Variants in PKP4 observed in about 807,000 individuals in gnomAD.
The protein encoded by PKP4 is plakophilin 4, also known as plakophilin-4.
In PKP4, 90 loss-of-function variants were observed where a neutral mutation model predicts 145.1. The observed-to-expected ratio is 0.62, with a 90% CI of 0.52 to 0.74. The LOEUF is 0.74. Among genes scored for constraint, PKP4 ranks in the 30% least tolerant of loss-of-function variants. The pLI, the probability that PKP4 is intolerant of heterozygous loss-of-function variation, is 0.00. For synonymous variants in PKP4, 563 were observed against 577.2 expected (o/e 0.98, Z 0.35); for missense variants, 1,340 against 1,482.7 (o/e 0.90, Z 1.58).
chr2:158,545,233 C>G (rs2044896776), intron 2 of PKP4, among the ~76,000 whole-genome samples: 1 of 152,092 alleles, frequency 6.6e-6, no homozygotes, highest in African/African-American at 2.4e-5. Context: ...CTCTCTCCCT[C>G]TGTACTCCCT....
At chr2:158,603,632 C>T (rs2050409689) in intron 4 of PKP4, among the ~76,000 whole-genome samples, 1 of 152,036 alleles carries the variant, frequency 6.6e-6, no homozygotes, top group Non-Finnish European at 1.5e-5. Flanking sequence ...CTGTCTGTCA[C>T]TTACATAAAT....
At chr2:158,489,143 ATACAG>A (rs1323150784) in intron 1 of PKP4, among the ~76,000 whole-genome samples, 2 of 152,150 alleles carry the variant, frequency 1.3e-5, no homozygotes, top group Non-Finnish European at 2.9e-5. Context: ...GTTCATCCAC[ATACAG>A]TAGAGTCATT....
intron 2 of PKP4, among the ~76,000 whole-genome samples, chr2:158,565,169 A>G (rs1026692583): frequency 6.6e-6 from 1 of 152,206 alleles, no homozygotes; most frequent in African/African-American, 2.4e-5. Flanking sequence ...AAATATAAAT[A>G]GAGTGCCCAA....
chr2:158,591,114 G>A (rs900458353), intron 3 of PKP4, among the ~76,000 whole-genome samples: 1 of 152,026 alleles, frequency 6.6e-6, no homozygotes, highest in Non-Finnish European at 1.5e-5. Context: ...CAGAGCAAAT[G>A]AAATTATTTC....
At chr2:158,657,058 G>A (rs2056036510) in intron 11 of PKP4, among the ~76,000 whole-genome samples, 1 of 152,202 alleles carries the variant, frequency 6.6e-6, no homozygotes, top group Non-Finnish European at 1.5e-5. Context: ...AAACGTTTTT[G>A]TGTGTTGGTA....
At chr2:158,518,485 T>A (rs1157021287) in intron 1 of PKP4, among the ~76,000 whole-genome samples, 2 of 152,210 alleles carry the variant, frequency 1.3e-5, no homozygotes, top group South Asian at 2.1e-4. Flanking sequence ...ACTGTCTACA[T>A]ATTTCTTCCC....
intron 16 of PKP4, among the ~76,000 whole-genome samples, chr2:158,668,885 A>C (rs148201175): frequency 4.6e-4 from 70 of 152,370 alleles, no homozygotes; most frequent in Non-Finnish European, 2.2e-4. Context: ...AGAACTAAGA[A>C]GATGTTTACT....
Position 158,528,636 on chromosome 2 carries a change from T to TAA in PKP4, c.-5-4532_-5-4531dup, listed in dbSNP as rs70994211. Among the ~76,000 whole-genome samples the TAA allele has an allele frequency of 3.4e-3, 281 of 81,540 alleles. 4 individuals carry two copies. Among genetic ancestry groups the TAA allele is most frequent in the South Asian group, 8.7e-3 (16 of 1,846 alleles). The allele number at this position is 81,540 out of a possible 152,430, so 53.5% of individuals were successfully genotyped here. The stretch of plus-strand genomic sequence containing the variant: ...ATGTACCCTAGAACTTAAAGTATAA[T>TAA]AAAAAAAAAAAAAGAAAAGAAACTT... On this transcript the variant is annotated intron_variant, in intron 1 of 21. Coordinates refer to ENST00000389759, the MANE Select transcript of PKP4 (RefSeq NM_003628.6).
chr2:158,626,436 G>A (rs1392403851), intron 7 of PKP4, among the ~76,000 whole-genome samples: 1 of 152,142 alleles, frequency 6.6e-6, no homozygotes, highest in South Asian at 2.1e-4. Context: ...CAGTTAGGTT[G>A]TTTGTTATGT....
At chr2:158,660,702 A>G (rs2056485138) in intron 12 of PKP4, 3 of 152,326 alleles carry the variant, frequency 2.0e-5, no homozygotes, top group Admixed American at 1.3e-4. Context: ...GGTGTTTTAT[A>G]ATTGAAAAGA....
intron 9 of PKP4, among the ~76,000 whole-genome samples, chr2:158,635,672 G>A (rs1338043059): frequency 6.6e-6 from 1 of 152,120 alleles, no homozygotes; most frequent in Middle Eastern, 3.2e-3. Context: ...AGGACTTCAT[G>A]TATGATAATA....
intron 8 of PKP4, among the ~76,000 whole-genome samples, chr2:158,633,064 A>G (rs527604819): frequency 9.8e-5 from 15 of 152,338 alleles, no homozygotes; most frequent in South Asian, 6.2e-4. Context: ...CATTTGATAT[A>G]TCAGTCTTCT....
intron 3 of PKP4, among the ~76,000 whole-genome samples, chr2:158,592,448 ACAGCTATT>A (rs903642772): frequency 6.6e-5 from 10 of 152,074 alleles, no homozygotes; most frequent in African/African-American, 2.4e-4. Context: ...CTGCACTAAA[ACAGCTATT>A]CATGTTTCTT....
At chr2:158,558,983 G>C (rs1056850758) in intron 2 of PKP4, among the ~76,000 whole-genome samples, 3 of 152,148 alleles carry the variant, frequency 2.0e-5, no homozygotes, top group Non-Finnish European at 4.4e-5. Flanking sequence ...TACATTGGTG[G>C]TACTTCAGAG....
chr2:158,632,326 C>A, intron 8 of PKP4: 1 of 192,876 alleles, frequency 5.2e-6, no homozygotes, highest in Non-Finnish European at 1.1e-5. Flanking sequence ...AGTTACTTGG[C>A]CATCTTTGAT....
intron 9 of PKP4, among the ~76,000 whole-genome samples, chr2:158,636,293 T>C (rs1023605654): frequency 2.0e-5 from 3 of 152,092 alleles, no homozygotes; most frequent in Non-Finnish European, 4.4e-5. Context: ...TTGCTAGATA[T>C]ATAATTCAGG....
chr2:158,625,310 G>C lies in PKP4; in HGVS notation c.1036G>C (p.Val346Leu), dbSNP rs200978598. The change falls in exon 7 of 22, where the codon GTA becomes CTA. Residue 346 changes from valine (V) to leucine (L), a missense_variant. Coordinates refer to ENST00000389759, the MANE Select transcript of PKP4 (RefSeq NM_003628.6). ...SSPKRSGMTAVPQHLGPSLQR... is the reference protein window; with the variant it reads ...SSPKRSGMTALPQHLGPSLQR... ...CCCCAAACGCTCAGGGATGACCGCC[G>C]TACCACAGCATCTGGGACCTTCACT... 4 of 1,614,168 alleles carry C rather than the reference G, an allele frequency of 2.5e-6. No individual in the cohort carries two copies. Among genetic ancestry groups the C allele is most frequent in the Non-Finnish European group, 3.4e-6 (4 of 1,180,028 alleles).
intron 1 of PKP4, among the ~76,000 whole-genome samples, chr2:158,501,833 G>T (rs1009433893): frequency 1.6e-4 from 22 of 137,736 alleles, no homozygotes; most frequent in African/African-American, 5.5e-4. Flanking sequence ...TGTTTGGCTA[G>T]GTAAGGTTTT....
rs1391079528 is a variant in PKP4 at position 158,523,386 on chromosome 2, C to A, written c.-5-9794C>A. 8.2e-5 allele frequency among the ~76,000 whole-genome samples: 9 copies of A among 110,028 alleles called. No homozygotes were observed. In the East Asian group the frequency reaches 2.2e-3, roughly 27 times the overall value. 72.2% of individuals were successfully genotyped at this position (110,028 alleles called of 152,430 possible). A position where few individuals can be genotyped will look rare whatever the true frequency, so the allele number is the denominator to read the frequency against. On this transcript the variant is annotated intron_variant, in intron 1 of 21. Coordinates refer to ENST00000389759, the MANE Select transcript of PKP4 (RefSeq NM_003628.6). Reference sequence around the variant, plus strand: ...AGCAGGGGCACACTGACACCTCACACGGCAGGGTATTCCAACAGACCTGCA... The same window carrying A: ...AGCAGGGGCACACTGACACCTCACAAGGCAGGGTATTCCAACAGACCTGCA...
Sources: allele counts gnomAD v4.1 joint callset (sites outside exome capture counted in the v4.1 genomes callset), GRCh38; gene constraint gnomAD v4.1.1; transcripts MANE v1.5; gene names NCBI Gene and HGNC (gene_info 2026-07-23, HGNC 2026-07-21).